Variants in HIPK1 observed in about 807,000 individuals in gnomAD.
HIPK1 encodes homeodomain-interacting protein kinase 1.
HIPK1 carries 28 observed loss-of-function variants against 117.1 expected under a neutral mutation model. The ratio of observed to expected loss-of-function variants is 0.24; its 90% CI spans 0.18 to 0.33. The LOEUF (loss-of-function observed/expected upper bound fraction) is 0.33, where lower values mean the gene tolerates loss of function less well. HIPK1 is among the 10% of genes least tolerant of loss of function. HIPK1 has a pLI of 1.00. For synonymous variants in HIPK1, 605 were observed against 562.5 expected (o/e 1.08, Z -1.07); for missense variants, 1,122 against 1,475.1 (o/e 0.76, Z 3.92).
At position 113,972,980 on chromosome 1, in the gene HIPK1, T is replaced by G. The variant is rs759305449; in HGVS notation, c.3145-44T>G. 2.0e-6 allele frequency: 3 copies of G among 1,508,354 alleles called. No homozygotes were observed. The Admixed American group carries it at 6.9e-5, about 35-fold the overall frequency. 93.4% of individuals were successfully genotyped at this position (1,508,354 alleles called of 1,614,324 possible). A position where few individuals can be genotyped will look rare whatever the true frequency, so the allele number is the denominator to read the frequency against. ...TAACTTGGCCTTTGGTGCCCTGAGC[T>G]GGAGTGACCTCAGGATTCCTCACTT... On this transcript the variant is annotated intron_variant, in intron 15 of 15. Coordinates refer to ENST00000426820, the MANE Select transcript of HIPK1 (RefSeq NM_198268.3).
intron 2 of HIPK1, among the ~76,000 whole-genome samples, chr1:113,945,152 C>T (rs777499199): frequency 1.3e-5 from 2 of 152,124 alleles, no homozygotes; most frequent in Non-Finnish European, 2.9e-5. Flanking sequence ...CCCAGCCTGG[C>T]ATTTTTTTAT....
rs1351307989 is a variant in HIPK1, at chr1:113,976,199, TA to T, written c.*2691del. 1.1e-4 allele frequency: 17 copies of T among 152,752 alleles called. No homozygotes were observed. Among genetic ancestry groups the T allele is most frequent in the African/African-American group, 3.9e-4 (16 of 41,456 alleles). The allele number at this position is 152,752 out of a possible 1,614,324, so 9.5% of individuals were successfully genotyped here. On this transcript the variant is annotated 3_prime_UTR_variant, in exon 16 of 16. Coordinates refer to ENST00000426820, the MANE Select transcript of HIPK1 (RefSeq NM_198268.3). The stretch of plus-strand genomic sequence containing the variant: ...AACATGTTGTGTTTTCTTTATTTTT[TA>T]AAATCATTATATTGAGTTGTGTTTT...
Position 113,973,147 on chromosome 1 carries a change from C to G in HIPK1, c.3268C>G (p.Leu1090Val). The change falls in exon 16 of 16, where the codon CTA becomes GTA. Residue 1090 changes from leucine to valine, a missense_variant. This residue lies in a region of HIPK1 where 731 missense variants were observed against 860.4 expected (regional missense o/e 0.85). Transcript: ENST00000426820. Reference sequence around the variant, plus strand: ...CTACACCTTCCAGCATGGCAGCCCGCTACACTCGACAGGGCACCCACACCT... The same window carrying G: ...CTACACCTTCCAGCATGGCAGCCCGGTACACTCGACAGGGCACCCACACCT... Reference protein sequence around the residue: ...APYTFQHGSPLHSTGHPHLAP... With the variant: ...APYTFQHGSPVHSTGHPHLAP... The G allele has an allele frequency of 6.2e-7, 1 of 1,604,784 alleles. No homozygotes were observed. Among genetic ancestry groups the G allele is most frequent in the Non-Finnish European group, 8.5e-7 (1 of 1,175,312 alleles).
intron 1 of HIPK1, among the ~76,000 whole-genome samples, chr1:113,936,958 G>C (rs1272902539): frequency 6.6e-6 from 1 of 152,116 alleles, no homozygotes; most frequent in Non-Finnish European, 1.5e-5. Context: ...GCTTCCTTTT[G>C]TTGTTCAACA....
chr1:113,970,176 A>C lies in HIPK1; in HGVS notation c.2992A>C (p.Thr998Pro). The C allele has an allele frequency of 6.2e-7, 1 of 1,614,148 alleles. No homozygotes were observed. ...ACTGAAAACTCAGCTTGGTGACTGC[A>C]CTGTAGCAACCCAGGCCTCAGGTCA... ...PPLKTQLGDC[T>P]VATQASGLLS... is the part of the protein sequence containing the mutation. Residue 998 changes from threonine to proline, a missense_variant, in exon 14 of 16, where the codon ACT becomes CCT. Physicochemically the swap from Thr to Pro is conservative, Grantham distance 38 (BLOSUM62 -1). Coordinates refer to ENST00000426820, the MANE Select transcript of HIPK1 (RefSeq NM_198268.3).
chr1:113,956,354 C>T (rs1188600544), intron 5 of HIPK1, among the ~76,000 whole-genome samples: 3 of 152,102 alleles, frequency 2.0e-5, no homozygotes, highest in African/African-American at 2.4e-5. Flanking sequence ...GCTGGGATTA[C>T]AGGCATGAGC....
chr1:113,957,625 T>C (rs1173544829), intron 7 of HIPK1, among the ~76,000 whole-genome samples: 1 of 152,260 alleles, frequency 6.6e-6, no homozygotes, highest in Admixed American at 6.5e-5. Flanking sequence ...CTCTTGTTAC[T>C]GTATTGAAAG....
chr1:113,966,390 T>C, intron 11 of HIPK1, 118 bp downstream of exon 11: 1 of 905,952 alleles, frequency 1.1e-6, no homozygotes, highest in Non-Finnish European at 1.6e-6. Flanking sequence ...ACTGTTGGAA[T>C]CCTTTAAGAA....
At chr1:113,954,909 GT>G (rs1285409378) in intron 4 of HIPK1, 139 bp downstream of exon 4, 6 of 771,270 alleles carry the variant, frequency 7.8e-6, no homozygotes, top group Non-Finnish European at 1.0e-5. Flanking sequence ...TTATTTCTTT[GT>G]ACCTGTTTGG....
Position 113,949,896 on chromosome 1 carries a change from G to A in HIPK1, c.1077-2870G>A, listed in dbSNP as rs78532380. Reference sequence around the variant, plus strand: ...ATTACAGGCATGAGCCACCGCACCCGGCCAGTTATTTCTTTGGTAAACAAA... The same window carrying A: ...ATTACAGGCATGAGCCACCGCACCCAGCCAGTTATTTCTTTGGTAAACAAA... On this transcript the variant is annotated intron_variant, in intron 2 of 15. Coordinates refer to ENST00000426820, the MANE Select transcript of HIPK1 (RefSeq NM_198268.3). 5.2e-3 allele frequency among the ~76,000 whole-genome samples: 798 copies of A among 152,142 alleles called. 11 individuals are homozygous for A. The highest frequency in any genetic ancestry group is 0.039 in the Admixed American group (599 of 15,276).
At chr1:113,940,258 G>T in intron 1 of HIPK1, 124 bp from the exon 2 acceptor site, 1 of 895,666 alleles carries the variant, frequency 1.1e-6, no homozygotes. Context: ...TTTGAGAAGA[G>T]GAGAACATTA....
chr1:113,960,478 T>G (rs1256196003), intron 8 of HIPK1, among the ~76,000 whole-genome samples: 1 of 152,194 alleles, frequency 6.6e-6, no homozygotes, highest in African/African-American at 2.4e-5. Flanking sequence ...TGCTTAGTGG[T>G]AACTATTATT....
rs1249886685 is a variant in HIPK1, at chr1:113,954,672, C to G, written c.1222C>G (p.Gln408Glu). ...YDQIRYISQT[Q>E]GLPAEYLLSA... ...TCAGATTCGTTATATTTCACAAACA[C>G]AAGGCTTGCCAGCTGAATATCTTCT... The change falls in exon 4 of 16, where the codon CAA becomes GAA. Residue 408 changes from glutamine (Q) to glutamate (E), a missense_variant. Around this residue, in one of 6 missense-constraint regions of HIPK1, gnomAD observed 127 missense variants for 197.9 expected, o/e 0.64. Coordinates refer to ENST00000426820, the MANE Select transcript of HIPK1 (RefSeq NM_198268.3). The G allele has an allele frequency of 6.2e-7, 1 of 1,613,494 alleles. No homozygotes were observed. The highest frequency in any genetic ancestry group is 1.7e-5 in the Admixed American group (1 of 60,022).
chr1:113,957,055 C>A, intron 6 of HIPK1, 69 bp from the exon 7 acceptor site: 2 of 1,284,034 alleles, frequency 1.6e-6, no homozygotes, highest in South Asian at 1.3e-5. Context: ...GATCCATGTT[C>A]ATCTTGAGTT....
rs1245701107 is a variant in HIPK1 at position 113,929,444 on chromosome 1, G to C, written c.-91G>C. On this transcript the variant is annotated 5_prime_UTR_variant, in exon 1 of 16. Coordinates refer to ENST00000426820, the MANE Select transcript of HIPK1 (RefSeq NM_198268.3). ...TCGATCCACGCTGGCTCCCTACGGAGGCCCACCTACTCGAGGCCCACCGAC... is the reference window on the plus strand; with the variant it reads ...TCGATCCACGCTGGCTCCCTACGGACGCCCACCTACTCGAGGCCCACCGAC... 13 of 1,289,262 alleles carry C rather than the reference G, an allele frequency of 1.0e-5. No homozygotes were observed. In the South Asian group the frequency reaches 1.1e-4, roughly 11 times the overall value. The allele number at this position is 1,289,262 out of a possible 1,614,324, so 79.9% of individuals were successfully genotyped here.
At chr1:113,947,818 A>AT (rs1378619400) in intron 2 of HIPK1, among the ~76,000 whole-genome samples, 1 of 152,220 alleles carries the variant, frequency 6.6e-6, no homozygotes, top group African/African-American at 2.4e-5. Flanking sequence ...TCAAAGCACA[A>AT]TTAATGCCAT....
chr1:113,954,420 A>C (rs1671574854), intron 3 of HIPK1, among the ~76,000 whole-genome samples: 2 of 152,234 alleles, frequency 1.3e-5, no homozygotes, highest in Admixed American at 1.3e-4. Flanking sequence ...GTCAACAGGA[A>C]AAGCAAAAAA....
intron 1 of HIPK1, among the ~76,000 whole-genome samples, chr1:113,930,228 G>T (rs1669773159): frequency 6.6e-6 from 1 of 152,394 alleles, no homozygotes; most frequent in South Asian, 2.1e-4. Context: ...TTAAGTGACA[G>T]GGGACCGCCT....
chr1:113,969,758 A>G (rs943772822), intron 13 of HIPK1, among the ~76,000 whole-genome samples, 198 bp from the exon 14 acceptor site: 2 of 151,868 alleles, frequency 1.3e-5, no homozygotes, highest in African/African-American at 4.8e-5. Flanking sequence ...AAAGATAAAA[A>G]CAGTTGGGCA....
Sources: gnomAD v4.1 joint callset for allele counts (sites outside exome capture counted in the v4.1 genomes callset) on GRCh38, gnomAD v4.1.1 for gene constraint, gnomAD v4.1.1 regional missense constraint, MANE v1.5 for transcripts, NCBI Gene and HGNC (gene_info 2026-07-23, HGNC 2026-07-21) for gene names.